GLDC: variants seen among roughly 807,000 people sequenced by gnomAD.
The protein encoded by GLDC is glycine dehydrogenase (decarboxylating), mitochondrial.
Under a neutral mutation model 121.3 loss-of-function variants are expected in GLDC, and 104 were observed. The ratio of observed to expected loss-of-function variants is 0.86; its 90% CI spans 0.73 to 1.01. The LOEUF (loss-of-function observed/expected upper bound fraction) is 1.01. Ranked by LOEUF, GLDC falls within the 50% of genes least tolerant of loss-of-function variation. The pLI is 0.00. For missense variants in GLDC, 1,429 were observed against 1,306.6 expected, an observed-to-expected ratio of 1.09 and a Z score of -1.44; for synonymous variants, 546 against 480.6, an observed-to-expected ratio of 1.14 and a Z score of -1.78.
chr9:6,546,296 A>T (rs1418876709), intron 21 of GLDC, among the ~76,000 whole-genome samples: 1 of 151,764 alleles, frequency 6.6e-6, no homozygotes, highest in Non-Finnish European at 1.5e-5. Context: ...AGGCTCAAGC[A>T]ATCCTCCTGC....
At chr9:6,603,574 C>T (rs1274456898) in intron 7 of GLDC, among the ~76,000 whole-genome samples, 1 of 151,880 alleles carries the variant, frequency 6.6e-6, no homozygotes, top group Non-Finnish European at 1.5e-5. Context: ...TAAAAAAACA[C>T]ACTTCACATT....
At chr9:6,603,243 A>T (rs1818655047) in intron 7 of GLDC, among the ~76,000 whole-genome samples, 1 of 151,776 alleles carries the variant, frequency 6.6e-6, no homozygotes, top group East Asian at 1.9e-4. Flanking sequence ...ATAAAAAAAA[A>T]AAAACAAATC....
chr9:6,592,342 AG>A, intron 10 of GLDC, 119 bp from the exon 11 acceptor site: 1 of 735,310 alleles, frequency 1.4e-6, no homozygotes, highest in South Asian at 1.4e-5. Flanking sequence ...CCAAAATATC[AG>A]GGTACAATTA....
intron 15 of GLDC, among the ~76,000 whole-genome samples, chr9:6,571,073 C>A (rs1325865421): frequency 6.6e-5 from 10 of 152,020 alleles, no homozygotes; most frequent in African/African-American, 2.4e-4. Context: ...CTAAAATATA[C>A]ATCATCCTCC....
intron 14 of GLDC, among the ~76,000 whole-genome samples, chr9:6,587,580 T>A (rs1006463103): frequency 3.9e-5 from 6 of 152,208 alleles, no homozygotes; most frequent in Non-Finnish European, 7.3e-5. Flanking sequence ...TGAAACACAA[T>A]GAGTTGCTTC....
intron 21 of GLDC, among the ~76,000 whole-genome samples, chr9:6,549,854 G>T (rs965640681): frequency 6.6e-6 from 1 of 152,070 alleles, no homozygotes; most frequent in Non-Finnish European, 1.5e-5. Flanking sequence ...CTTAATGATT[G>T]TAACGGTCTC....
In GLDC at chr9:6,546,926, C is replaced by T. The variant is rs117557630; in HGVS notation, c.2569+3877G>A. Among the ~76,000 whole-genome samples the T allele has an allele frequency of 4.4e-3, 670 of 152,120 alleles. 4 individuals carry two copies. The highest frequency in any genetic ancestry group is 7.1e-3 in the Non-Finnish European group (480 of 67,994). On this transcript the variant is annotated intron_variant, in intron 21 of 24. Transcript: ENST00000321612. ...GCAGTGAGCCAACATCACACCACTGCACTCCCACCTGGGTGACCAAGCGAG... is the reference window on the plus strand; with the variant it reads ...GCAGTGAGCCAACATCACACCACTGTACTCCCACCTGGGTGACCAAGCGAG...
At chr9:6,539,709 A>G (rs1817215587) in intron 22 of GLDC, among the ~76,000 whole-genome samples, 1 of 152,158 alleles carries the variant, frequency 6.6e-6, no homozygotes, top group South Asian at 2.1e-4. Flanking sequence ...AGGTGGCTAT[A>G]AAACTCCAAT....
In GLDC at chr9:6,534,253, G is replaced by T. The variant is rs191931851; in HGVS notation, c.2919+455C>A. 6 of 173,178 alleles carry T rather than the reference G, an allele frequency of 3.5e-5. No individual in the cohort carries two copies. In the East Asian group the frequency reaches 8.8e-4, roughly 25 times the overall value. 10.7% of individuals were successfully genotyped at this position (173,178 alleles called of 1,614,324 possible). ...TTCCTCTCCTCTCCAATGAATACAG[G>T]ATTTACCATTCTCATTATGTTTTTA... On this transcript the variant is annotated intron_variant, in intron 24 of 24. Coordinates refer to ENST00000321612, the MANE Select transcript of GLDC (RefSeq NM_000170.3).
chr9:6,598,248 T>C (rs1818529802), intron 8 of GLDC, among the ~76,000 whole-genome samples: 1 of 152,104 alleles, frequency 6.6e-6, no homozygotes, highest in African/African-American at 2.4e-5. Context: ...CTGGGATGGA[T>C]TTAAACTGCT....
chr9:6,555,815 A>C (rs940176510), intron 18 of GLDC, among the ~76,000 whole-genome samples: 1 of 152,052 alleles, frequency 6.6e-6, no homozygotes, highest in Non-Finnish European at 1.5e-5. Context: ...AGAAAGAAAA[A>C]GGAAAAAAGC....
chr9:6,615,209 G>C (rs1039020397), intron 3 of GLDC, among the ~76,000 whole-genome samples: 1 of 152,120 alleles, frequency 6.6e-6, no homozygotes, highest in Non-Finnish European at 1.5e-5. Context: ...CTGTAAATTA[G>C]CATCTGTAAG....
At chr9:6,570,328 T>C (rs1817935338) in intron 15 of GLDC, among the ~76,000 whole-genome samples, 1 of 152,240 alleles carries the variant, frequency 6.6e-6, no homozygotes, top group South Asian at 2.1e-4. Context: ...TTAAAAATTA[T>C]AGTACCAAGA....
At chr9:6,569,981 C>CG (rs987990168) in intron 15 of GLDC, among the ~76,000 whole-genome samples, 6 of 152,016 alleles carry the variant, frequency 3.9e-5, no homozygotes, top group African/African-American at 1.2e-4. Context: ...GGCTCATGGC[C>CG]GGGGGGATTA....
In GLDC at chr9:6,645,358, C is replaced by A. The variant is rs1057515608; in HGVS notation, c.142G>T (p.Gly48Trp). ...AGGCGCTCCAGGAGGCGCGAGGCCC[C>A]AGCCGCGGCGCTGTCCCCGCCGCCA... The part of the protein sequence containing the change: ...SSGGGDSAAA[G>W]ASRLLERLLP... Residue 48 changes from glycine to tryptophan, a missense_variant, in exon 1 of 25, where the codon GGG becomes TGG. Physicochemically the swap from Gly to Trp is radical, Grantham distance 184. Coordinates refer to ENST00000321612, the MANE Select transcript of GLDC (RefSeq NM_000170.3). 27 of 1,544,524 alleles carry A rather than the reference C, an allele frequency of 1.7e-5. No individual in the cohort carries two copies. The highest frequency in any genetic ancestry group is 2.3e-5 in the Non-Finnish European group (26 of 1,147,324).
At chr9:6,535,051 C>A (rs1377534020) in intron 23 of GLDC, among the ~76,000 whole-genome samples, 3 of 152,166 alleles carry the variant, frequency 2.0e-5, no homozygotes, top group Non-Finnish European at 4.4e-5. Context: ...GAAAAAATTA[C>A]CTACACGTTT....
chr9:6,586,809 T>C (rs1274934929), intron 15 of GLDC, among the ~76,000 whole-genome samples: 4 of 152,204 alleles, frequency 2.6e-5, no homozygotes, highest in African/African-American at 9.6e-5. Flanking sequence ...GATTTGCAGC[T>C]TCTCCATGCT....
chr9:6,564,370 T>C (rs912395853), intron 16 of GLDC, among the ~76,000 whole-genome samples: 4 of 152,212 alleles, frequency 2.6e-5, no homozygotes, highest in African/African-American at 9.7e-5. Flanking sequence ...TCCCCTGTTA[T>C]GAAAGGGAAG....
At chr9:6,601,873 T>G (rs572416169) in intron 8 of GLDC, among the ~76,000 whole-genome samples, 2 of 152,292 alleles carry the variant, frequency 1.3e-5, no homozygotes, top group South Asian at 4.1e-4. Flanking sequence ...TCCAGCAATC[T>G]GCCTGCCTTG....
Sources: gnomAD v4.1 joint callset for allele counts (sites outside exome capture counted in the v4.1 genomes callset) on GRCh38, gnomAD v4.1.1 for gene constraint, MANE v1.5 for transcripts, NCBI Gene and HGNC (gene_info 2026-07-23, HGNC 2026-07-21) for gene names.